Variants in OSBPL3 observed in about 807,000 individuals in gnomAD.
OSBPL3 encodes oxysterol binding protein like 3.
OSBPL3 carries 65 observed loss-of-function variants against 120.1 expected under a neutral mutation model. The observed-to-expected ratio is 0.54, with a 90% CI of 0.44 to 0.67. The LOEUF is 0.67. Ranked by LOEUF, OSBPL3 falls within the 30% of genes least tolerant of loss-of-function variation. OSBPL3 has a pLI of 0.00. For synonymous variants in OSBPL3, 416 were observed against 402.6 expected (o/e 1.03, Z -0.40); for missense variants, 1,004 against 1,082.1 (o/e 0.93, Z 1.01).
Position 24,813,681 on chromosome 7 carries a change from G to C in OSBPL3, c.2172+1378C>G, listed in dbSNP as rs1388802109. Among the ~76,000 whole-genome samples, 1 of 152,172 alleles carries C rather than the reference G, an allele frequency of 6.6e-6. No individual in the cohort carries two copies. The highest frequency in any genetic ancestry group is 1.5e-5 in the Non-Finnish European group (1 of 68,038). Reference sequence around the variant, plus strand: ...CCCTATAGGTTACAGGTGGTGCAGAGAGGCATTGCATGAAGTTCCACAATA... The same window carrying C: ...CCCTATAGGTTACAGGTGGTGCAGACAGGCATTGCATGAAGTTCCACAATA... On this transcript the variant is annotated intron_variant, in intron 19 of 22. Coordinates refer to ENST00000313367, the MANE Select transcript of OSBPL3 (RefSeq NM_015550.4). This position sits in a 1 kb window ranked among gnomAD's most constrained non-coding sequence, Gnocchi z 4.5.
Position 24,896,687 on chromosome 7 carries a change from A to G in OSBPL3, c.-149-4066T>C, listed in dbSNP as rs753027641. Among the ~76,000 whole-genome samples the G allele has an allele frequency of 6.6e-6, 1 of 152,220 alleles. No individual in the cohort carries two copies. The highest frequency in any genetic ancestry group is 1.5e-5 in the Non-Finnish European group (1 of 68,048). On this transcript the variant is annotated intron_variant, in intron 1 of 22. Coordinates refer to ENST00000313367, the MANE Select transcript of OSBPL3 (RefSeq NM_015550.4). The surrounding 1 kb of genome is among the most constrained non-coding windows in gnomAD (Gnocchi z 4.4). ...GTTTGAATTGGTGTTTCCTTATTAC[A>G]AACTCTGTGCACCTTGACAAATGTA... is the stretch of plus-strand genomic sequence containing the variant.
intron 1 of OSBPL3, among the ~76,000 whole-genome samples, chr7:24,977,421 G>C (rs896879820): frequency 1.3e-5 from 2 of 152,092 alleles, no homozygotes; most frequent in African/African-American, 4.8e-5. Context: ...TAATTAGTGG[G>C]GCGAGAATTG....
At chr7:24,887,331 C>T (rs916078887) in intron 2 of OSBPL3, among the ~76,000 whole-genome samples, 3 of 152,098 alleles carry the variant, frequency 2.0e-5, no homozygotes, top group Admixed American at 6.5e-5. Flanking sequence ...GGTGAAGACA[C>T]GATATCTGAA....
chr7:24,860,910 A>C (rs1341367756), intron 10 of OSBPL3, among the ~76,000 whole-genome samples: 9 of 152,218 alleles, frequency 5.9e-5, no homozygotes, highest in Admixed American at 3.3e-4. Flanking sequence ...TTGTGTGTGG[A>C]CATAAATTTT....
chr7:24,859,049 C>T (rs957870758), intron 10 of OSBPL3, among the ~76,000 whole-genome samples: 5 of 152,228 alleles, frequency 3.3e-5, no homozygotes, highest in African/African-American at 7.2e-5. Flanking sequence ...TGCCATTTCA[C>T]GGATGAACTG....
In OSBPL3 at chr7:24,854,498, A is replaced by G. The variant is rs1279813054; in HGVS notation, c.1028-1864T>C. Among the ~76,000 whole-genome samples the G allele has an allele frequency of 4.0e-5, 3 of 75,596 alleles. No homozygotes were observed. Among genetic ancestry groups the G allele is most frequent in the African/African-American group, 1.7e-4 (3 of 17,864 alleles). 49.6% of individuals were successfully genotyped at this position (75,596 alleles called of 152,430 possible). On this transcript the variant is annotated intron_variant, in intron 10 of 22. Transcript: ENST00000313367. This position sits in a 1 kb window ranked among gnomAD's most constrained non-coding sequence, Gnocchi z 4.1. Reference sequence around the variant, plus strand: ...AAGTCACAACAATTTGTACACACACACACGCACACACACACACACACACAC... The same window carrying G: ...AAGTCACAACAATTTGTACACACACGCACGCACACACACACACACACACAC...
rs1215222211 is a variant in OSBPL3 at position 24,867,437 on chromosome 7, T to A, written c.382-1200A>T. On this transcript the variant is annotated intron_variant, in intron 5 of 22. Coordinates refer to ENST00000313367, the MANE Select transcript of OSBPL3 (RefSeq NM_015550.4). This position sits in a 1 kb window ranked among gnomAD's most constrained non-coding sequence, Gnocchi z 4.5. ...CCAAATCTCATCCTGAATTCCCACA[T>A]TTTGTGGGAGGGACCTGGTCAGTGA... Among the ~76,000 whole-genome samples the A allele has an allele frequency of 1.3e-5, 2 of 152,184 alleles. No individual in the cohort carries two copies. Among genetic ancestry groups the A allele is most frequent in the Non-Finnish European group, 2.9e-5 (2 of 68,036 alleles).
At chr7:24,902,726 A>AATG (rs1274565637) in intron 1 of OSBPL3, among the ~76,000 whole-genome samples, 7 of 149,110 alleles carry the variant, frequency 4.7e-5, no homozygotes, top group Non-Finnish European at 7.4e-5. Flanking sequence ...TAATAATAAT[A>AATG]ATAATAATAA....
chr7:24,901,259 G>A (rs1806975266), intron 1 of OSBPL3, among the ~76,000 whole-genome samples: 1 of 150,510 alleles, frequency 6.6e-6, no homozygotes, highest in South Asian at 2.1e-4. Flanking sequence ...CCCAGGAGGT[G>A]GAGCTGAGAT....
At chr7:24,858,063 C>A (rs113677208) in intron 10 of OSBPL3, among the ~76,000 whole-genome samples, 1 of 152,250 alleles carries the variant, frequency 6.6e-6, no homozygotes, top group South Asian at 2.1e-4. Context: ...AACATCCACA[C>A]AAAGCCAGAA....
At chr7:24,928,618 T>C (rs1189703022) in intron 1 of OSBPL3, among the ~76,000 whole-genome samples, 2 of 152,204 alleles carry the variant, frequency 1.3e-5, no homozygotes, top group Admixed American at 6.5e-5. Flanking sequence ...TAACCATCGC[T>C]TCAATCAACA....
chr7:24,878,263 A>C (rs141207678), intron 2 of OSBPL3, among the ~76,000 whole-genome samples: 1 of 152,352 alleles, frequency 6.6e-6, no homozygotes, highest in East Asian at 1.9e-4. Context: ...TCAGAAATAG[A>C]AAACGATTAA....
In OSBPL3 at chr7:24,871,706, T is replaced by C; in HGVS notation, c.267+36A>G. On this transcript the variant is annotated intron_variant, in intron 4 of 22. Coordinates refer to ENST00000313367, the MANE Select transcript of OSBPL3 (RefSeq NM_015550.4). This position sits in a 1 kb window ranked among gnomAD's most constrained non-coding sequence, Gnocchi z 4.8. ...GAGCTGATGGTTACCCCTTTAGGAT[T>C]CTTCAATACCACAGTGGGCCCACAA... The C allele has an allele frequency of 1.1e-5, 17 of 1,519,620 alleles. 1 individual carries two copies. The highest frequency in any genetic ancestry group is 1.6e-5 in the Non-Finnish European group (17 of 1,095,864). The allele number at this position is 1,519,620 out of a possible 1,614,324, so 94.1% of individuals were successfully genotyped here. A position where few individuals can be genotyped will look rare whatever the true frequency, so the allele number is the denominator to read the frequency against.
intron 16 of OSBPL3, among the ~76,000 whole-genome samples, chr7:24,826,179 G>A (rs944091073): frequency 1.3e-5 from 2 of 152,214 alleles, no homozygotes; most frequent in Admixed American, 6.5e-5. Flanking sequence ...AGGATACTTA[G>A]TCCCTGAACA....
chr7:24,868,879 A>G (rs531802682), intron 5 of OSBPL3, among the ~76,000 whole-genome samples: 1 of 152,336 alleles, frequency 6.6e-6, no homozygotes, highest in East Asian at 1.9e-4. Context: ...TCACTTTTCT[A>G]TGAGTTAAAC....
At chr7:24,929,077 G>A (rs1370693638) in intron 1 of OSBPL3, among the ~76,000 whole-genome samples, 1 of 152,192 alleles carries the variant, frequency 6.6e-6, no homozygotes, top group Non-Finnish European at 1.5e-5. Context: ...CTCCAAAGTA[G>A]CTGCACCTCT....
Position 24,936,034 on chromosome 7 carries a change from TC to T in OSBPL3, c.-149-43414del, listed in dbSNP as rs1812379404. 9.2e-6 allele frequency among the ~76,000 whole-genome samples: 1 copy of T among 108,190 alleles called. No homozygotes were observed. Among genetic ancestry groups the T allele is most frequent in the South Asian group, 3.1e-4 (1 of 3,194 alleles). The allele number at this position is 108,190 out of a possible 152,430, so 71.0% of individuals were successfully genotyped here. On this transcript the variant is annotated intron_variant, in intron 1 of 22. Transcript: ENST00000313367. The surrounding 1 kb of genome is among the most constrained non-coding windows in gnomAD (Gnocchi z 4.2). Reference sequence around the variant, plus strand: ...ATCTCCTAAAGCTATCCCTCCCCCCTCCCCAGGAATCTTTTTTTTTTATCAC... The same window carrying T: ...ATCTCCTAAAGCTATCCCTCCCCCCTCCCAGGAATCTTTTTTTTTTATCAC...
intron 1 of OSBPL3, among the ~76,000 whole-genome samples, chr7:24,926,580 A>G (rs1294021131): frequency 2.0e-5 from 3 of 152,166 alleles, no homozygotes; most frequent in African/African-American, 7.2e-5. Context: ...TCTACAGACT[A>G]TCTCCACACC....
intron 19 of OSBPL3, among the ~76,000 whole-genome samples, chr7:24,811,928 TTAAC>T (rs1793852623): frequency 6.6e-6 from 1 of 152,234 alleles, no homozygotes; most frequent in Admixed American, 6.5e-5. Context: ...AAATGAATGG[TTAAC>T]TATCTGCAGT....
Sources: allele counts gnomAD v4.1 joint callset (sites outside exome capture counted in the v4.1 genomes callset), GRCh38; gene constraint gnomAD v4.1.1; non-coding constraint Gnocchi (gnomAD v3.1); transcripts MANE v1.5; gene names NCBI Gene and HGNC (gene_info 2026-07-23, HGNC 2026-07-21).